The following RFX3 variants were observed in gnomAD, a reference collection of about 807,000 sequenced individuals.
RFX3 encodes regulatory factor X3, also known as transcription factor RFX3.
A neutral mutation model predicts 98.6 loss-of-function variants in RFX3; 14 were observed. That is an observed-to-expected ratio of 0.14 (90% CI 0.09 to 0.22). RFX3 has a LOEUF of 0.22. Ranked by LOEUF, RFX3 falls within the 10% of genes least tolerant of loss-of-function variation. The pLI, the probability that RFX3 is intolerant of heterozygous loss-of-function variation, is 1.00. For missense variants in RFX3, 639 were observed against 926.9 expected (o/e 0.69, Z 4.03); for synonymous variants, 383 against 328.4 (o/e 1.17, Z -1.80).
intron 13 of RFX3, among the ~76,000 whole-genome samples, chr9:3,262,062 T>C (rs1047291431): frequency 6.6e-6 from 1 of 152,170 alleles, no homozygotes. Flanking sequence ...AGATATATAA[T>C]TTGCAAAAAT....
chr9:3,504,841 TATATATATTATATATGATATA>T (rs1816624775), intron 1 of RFX3, among the ~76,000 whole-genome samples: 1 of 30,178 alleles, frequency 3.3e-5, no homozygotes, highest in African/African-American at 1.3e-4. Context: ...ATGTATAAAA[TATATATATTATATATGATATA>T]ATATATATTA....
chr9:3,245,372 C>A lies in RFX3; in HGVS notation c.1968+2660G>T, dbSNP rs139473248. On this transcript the variant is annotated intron_variant, in intron 15 of 16. Coordinates refer to ENST00000617270, the MANE Select transcript of RFX3 (RefSeq NM_001282116.2). ...AGAGAAAAGGCCACTGTGATTGCAA[C>A]AGAAAGAGTAGGAAGTGGGAGGCTG... Among the ~76,000 whole-genome samples, 35 of 152,224 alleles carry A rather than the reference C, an allele frequency of 2.3e-4. No homozygotes were observed. The East Asian group carries it at 5.6e-3, about 24-fold the overall frequency.
chr9:3,263,180 G>T, intron 12 of RFX3, 96 bp from the exon 13 acceptor site: 1 of 1,268,000 alleles, frequency 7.9e-7, no homozygotes, highest in Non-Finnish European at 1.1e-6. Flanking sequence ...AATTTTAAAT[G>T]CTTGCCTCTG....
chr9:3,467,036 A>C (rs1176991033), intron 1 of RFX3, among the ~76,000 whole-genome samples: 1 of 141,908 alleles, frequency 7.0e-6, no homozygotes, highest in Admixed American at 7.2e-5. Flanking sequence ...AATTATATAT[A>C]TATATATATA....
Position 3,418,533 on chromosome 9 carries a change from C to T in RFX3, c.-8-22937G>A, listed in dbSNP as rs550474921. Among the ~76,000 whole-genome samples, 115 of 152,120 alleles carry T rather than the reference C, an allele frequency of 7.6e-4. 1 individual carries two copies. Among genetic ancestry groups the T allele is most frequent in the Non-Finnish European group, 6.0e-4 (41 of 67,992 alleles). On this transcript the variant is annotated intron_variant, in intron 1 of 16. Transcript: ENST00000617270. ...TAGCTAGGATTACAGGCACCCACCA[C>T]CATGCCCAGCTAATTTTTGCGTTTT...
intron 1 of RFX3, among the ~76,000 whole-genome samples, chr9:3,405,471 A>G (rs1200107318): frequency 6.6e-6 from 1 of 152,186 alleles, no homozygotes; most frequent in African/African-American, 2.4e-5. Context: ...TGAAATCATC[A>G]AAATTCAATT....
chr9:3,430,397 T>A (rs1844544566), intron 1 of RFX3, among the ~76,000 whole-genome samples: 1 of 152,200 alleles, frequency 6.6e-6, no homozygotes, highest in African/African-American at 2.4e-5. Flanking sequence ...ACACTTTTGC[T>A]TTAATTTTAG....
At chr9:3,461,379 T>G (rs574872847) in intron 1 of RFX3, among the ~76,000 whole-genome samples, 10 of 152,064 alleles carry the variant, frequency 6.6e-5, no homozygotes, top group African/African-American at 2.4e-4. Flanking sequence ...TCACAGAATG[T>G]GCTTTGGATG....
At chr9:3,370,323 T>A (rs935711290) in intron 2 of RFX3, among the ~76,000 whole-genome samples, 14 of 151,936 alleles carry the variant, frequency 9.2e-5, no homozygotes, top group Middle Eastern at 6.8e-3. Context: ...AAGTAAGTAG[T>A]TTTGGAAATT....
At chr9:3,290,223 A>G (rs546314442) in intron 6 of RFX3, among the ~76,000 whole-genome samples, 11 of 152,064 alleles carry the variant, frequency 7.2e-5, no homozygotes, top group African/African-American at 2.7e-4. Context: ...AACAGGAGAC[A>G]TAATTCATAA....
rs1331649419 is a variant in RFX3, at chr9:3,424,373, T to TGG, written c.-8-28778_-8-28777insCC. On this transcript the variant is annotated intron_variant, in intron 1 of 16. Transcript: ENST00000617270. ...CTTTTTTTTTTTTTTTTTTTTTTTT[T>TGG]TTTTTTGAGACGGAGTCTCGCTCTG... Among the ~76,000 whole-genome samples, 26 of 121,330 alleles carry TGG rather than the reference T, an allele frequency of 2.1e-4. 1 individual carries two copies. The highest frequency in any genetic ancestry group is 3.2e-4 in the Admixed American group (4 of 12,556). The allele number at this position is 121,330 out of a possible 152,430, so 79.6% of individuals were successfully genotyped here.
intron 2 of RFX3, among the ~76,000 whole-genome samples, chr9:3,364,106 C>T (rs985176013): frequency 1.3e-5 from 2 of 152,212 alleles, no homozygotes; most frequent in African/African-American, 2.4e-5. Flanking sequence ...CATCTCCTGA[C>T]CTCATGATCT....
chr9:3,372,555 T>C (rs1305983614), intron 2 of RFX3, among the ~76,000 whole-genome samples: 4 of 150,648 alleles, frequency 2.7e-5, no homozygotes, highest in African/African-American at 7.3e-5. Flanking sequence ...TCTTTCTTTT[T>C]TTTTTTTTTT....
At chr9:3,335,448 G>A (rs1369803730) in intron 3 of RFX3, among the ~76,000 whole-genome samples, 1 of 151,986 alleles carries the variant, frequency 6.6e-6, no homozygotes, top group East Asian at 1.9e-4. Context: ...ATGAGTTACT[G>A]CTTGCACACT....
intron 1 of RFX3, among the ~76,000 whole-genome samples, chr9:3,484,117 T>C (rs1850047409): frequency 6.6e-6 from 1 of 152,238 alleles, no homozygotes; most frequent in East Asian, 1.9e-4. Context: ...GACCTTTACA[T>C]AGCTTCATCT....
At chr9:3,513,607 T>G (rs1323021877) in intron 1 of RFX3, among the ~76,000 whole-genome samples, 1 of 152,186 alleles carries the variant, frequency 6.6e-6, no homozygotes, top group African/African-American at 2.4e-5. Context: ...GCTTACATCA[T>G]TAAAGAAGGA....
chr9:3,227,606 A>G (rs1416375060), intron 16 of RFX3, among the ~76,000 whole-genome samples: 1 of 152,150 alleles, frequency 6.6e-6, no homozygotes, highest in Non-Finnish European at 1.5e-5. Context: ...TGAGCAGTAA[A>G]ACTCTACTGT....
At chr9:3,272,502 C>T (rs1824630847) in intron 9 of RFX3, among the ~76,000 whole-genome samples, 1 of 152,032 alleles carries the variant, frequency 6.6e-6, no homozygotes, top group Non-Finnish European at 1.5e-5. Context: ...GATAGGGAGA[C>T]AAATTAATTT....
intron 2 of RFX3, among the ~76,000 whole-genome samples, chr9:3,390,534 T>C (rs546296912): frequency 1.2e-3 from 178 of 152,258 alleles, no homozygotes; most frequent in Non-Finnish European, 2.0e-3. Context: ...GGAATTGCTA[T>C]GTCCCCACCC....
Sources: allele counts gnomAD v4.1 joint callset (sites outside exome capture counted in the v4.1 genomes callset), GRCh38; gene constraint gnomAD v4.1.1; transcripts MANE v1.5; gene names NCBI Gene and HGNC (gene_info 2026-07-23, HGNC 2026-07-21).